The following SORCS3 variants were observed in gnomAD, a reference collection of about 807,000 sequenced individuals.
SORCS3 encodes sortilin related VPS10 domain containing receptor 3.
A neutral mutation model predicts 146.3 loss-of-function variants in SORCS3; 57 were observed. The ratio of observed to expected loss-of-function variants is 0.39; its 90% confidence interval spans 0.31 to 0.49. SORCS3 has a LOEUF of 0.49. SORCS3 is among the 20% of genes least tolerant of loss of function. SORCS3 has a pLI of 0.92. For synonymous variants in SORCS3, 653 were observed against 618.5 expected (o/e 1.06, Z -0.83); for missense variants, 1,341 against 1,575.5 (o/e 0.85, Z 2.52).
In SORCS3 at chr10:105,013,968, C is replaced by A. The variant is rs187161260; in HGVS notation, c.955-29087C>A. Among the ~76,000 whole-genome samples the A allele has an allele frequency of 5.5e-4, 62 of 112,040 alleles. 1 individual carries two copies. The highest frequency in any genetic ancestry group is 2.7e-3 in the African/African-American group (61 of 22,214). 73.5% of individuals were successfully genotyped at this position (112,040 alleles called of 152,430 possible). On this transcript the variant is annotated intron_variant, in intron 4 of 26. Coordinates refer to ENST00000369701, the MANE Select transcript of SORCS3 (RefSeq NM_014978.3). ...TGTACTTCTATTTAGTTTGTGTAGACACACAGACACACAGACACACACACA... is the reference window on the plus strand; with the variant it reads ...TGTACTTCTATTTAGTTTGTGTAGAAACACAGACACACAGACACACACACA...
intron 7 of SORCS3, among the ~76,000 whole-genome samples, chr10:105,125,443 A>G (rs890087941): frequency 6.6e-6 from 1 of 152,134 alleles, no homozygotes. Context: ...TCCCAAGACG[A>G]CACAGCCAGT....
chr10:104,832,549 C>G (rs1341150548), intron 1 of SORCS3, among the ~76,000 whole-genome samples: 1 of 152,058 alleles, frequency 6.6e-6, no homozygotes, highest in African/African-American at 2.4e-5. Context: ...GATACCCTGT[C>G]TCTACTAAAA....
chr10:104,992,086 T>C (rs999417966), intron 4 of SORCS3, among the ~76,000 whole-genome samples: 1 of 152,080 alleles, frequency 6.6e-6, no homozygotes, highest in Non-Finnish European at 1.5e-5. Context: ...GCATGAGATA[T>C]TCCCGAGACA....
intron 4 of SORCS3, among the ~76,000 whole-genome samples, chr10:105,014,197 A>G (rs1452762801): frequency 1.3e-5 from 2 of 151,228 alleles, no homozygotes; most frequent in Non-Finnish European, 2.9e-5. Flanking sequence ...CTATTTAATT[A>G]TTATTCTGGG....
At chr10:104,707,960 T>A (rs2016357911) in intron 1 of SORCS3, among the ~76,000 whole-genome samples, 1 of 152,210 alleles carries the variant, frequency 6.6e-6, no homozygotes, top group Non-Finnish European at 1.5e-5. Context: ...GGGGTTGAGA[T>A]GAATGAGTTT....
chr10:105,048,729 A>G (rs919705039), intron 5 of SORCS3, among the ~76,000 whole-genome samples: 1 of 152,060 alleles, frequency 6.6e-6, no homozygotes, highest in East Asian at 1.9e-4. Context: ...AAGACAGACT[A>G]AAAACCGTTT....
chr10:105,140,122 A>AATTG (rs2056085189), intron 8 of SORCS3, among the ~76,000 whole-genome samples: 1 of 152,276 alleles, frequency 6.6e-6, no homozygotes, highest in African/African-American at 2.4e-5. Flanking sequence ...GACAGGTTAT[A>AATTG]ATTGCATCAC....
chr10:105,190,492 G>A (rs184735645), intron 14 of SORCS3, among the ~76,000 whole-genome samples: 9 of 152,170 alleles, frequency 5.9e-5, no homozygotes, highest in African/African-American at 1.9e-4. Flanking sequence ...TCTGCCTCCC[G>A]GGTTTAAGCA....
intron 3 of SORCS3, among the ~76,000 whole-genome samples, chr10:104,956,070 A>G (rs1489533653): frequency 6.6e-6 from 1 of 152,200 alleles, no homozygotes; most frequent in Non-Finnish European, 1.5e-5. Flanking sequence ...CTTCCAGGAC[A>G]AAGAATAACT....
At chr10:104,744,515 C>G (rs1006596994) in intron 1 of SORCS3, among the ~76,000 whole-genome samples, 1 of 152,128 alleles carries the variant, frequency 6.6e-6, no homozygotes, top group African/African-American at 2.4e-5. Context: ...TATGGAGAAC[C>G]TGTTATTATC....
intron 7 of SORCS3, among the ~76,000 whole-genome samples, chr10:105,111,567 G>A (rs757100790): frequency 4.6e-5 from 7 of 152,190 alleles, no homozygotes; most frequent in African/African-American, 9.7e-5. Flanking sequence ...TGCTCAATGC[G>A]TAAGAAATGA....
At chr10:104,903,255 G>A (rs1224748262) in intron 2 of SORCS3, among the ~76,000 whole-genome samples, 1 of 152,162 alleles carries the variant, frequency 6.6e-6, no homozygotes. Flanking sequence ...CTATGCAAAT[G>A]TTAGTTACTT....
At chr10:105,068,603 C>T (rs543524485) in intron 5 of SORCS3, among the ~76,000 whole-genome samples, 57 of 151,950 alleles carry the variant, frequency 3.8e-4, no homozygotes, top group Non-Finnish European at 7.5e-4. Flanking sequence ...CTGCTGAAGT[C>T]GAGAGAATTA....
intron 7 of SORCS3, among the ~76,000 whole-genome samples, chr10:105,114,943 C>A (rs1385905034): frequency 6.6e-6 from 1 of 152,058 alleles, no homozygotes; most frequent in East Asian, 1.9e-4. Flanking sequence ...TATGTATAAA[C>A]ATAGAAAAAT....
chr10:105,216,327 T>C (rs921847700), intron 18 of SORCS3, among the ~76,000 whole-genome samples: 2 of 152,114 alleles, frequency 1.3e-5, no homozygotes, highest in African/African-American at 2.4e-5. Flanking sequence ...GTGAGTAGCA[T>C]AATTCTGGTA....
At chr10:104,983,005 T>C (rs1046828802) in intron 4 of SORCS3, among the ~76,000 whole-genome samples, 1 of 151,478 alleles carries the variant, frequency 6.6e-6, no homozygotes, top group African/African-American at 2.4e-5. Context: ...TTTCTTTTCT[T>C]TTTTAATTTT....
intron 7 of SORCS3, among the ~76,000 whole-genome samples, chr10:105,124,771 G>C (rs1195893590): frequency 6.6e-6 from 1 of 151,954 alleles, no homozygotes; most frequent in Non-Finnish European, 1.5e-5. Flanking sequence ...GTAACCTCTC[G>C]AGGCCAGGCA....
rs2056475881 is a variant in SORCS3 at position 105,186,285 on chromosome 10, C to T, written c.2009+8112C>T. 2.0e-5 allele frequency among the ~76,000 whole-genome samples: 3 copies of T among 152,162 alleles called. No homozygotes were observed. The South Asian group carries it at 6.2e-4, about 32-fold the overall frequency. ...TATCTTTGCAGATAGAATGCCAGGG[C>T]TTTTTATTTGTTCTGTAAGATTGAG... On this transcript the variant is annotated intron_variant, in intron 14 of 26. Coordinates refer to ENST00000369701, the MANE Select transcript of SORCS3 (RefSeq NM_014978.3).
intron 1 of SORCS3, among the ~76,000 whole-genome samples, chr10:104,779,854 C>T (rs534198569): frequency 6.8e-4 from 104 of 152,288 alleles, no homozygotes; most frequent in African/African-American, 2.3e-3. Context: ...TCACCCCGCG[C>T]GCTCCGCCAT....
Sources: allele counts gnomAD v4.1 joint callset (sites outside exome capture counted in the v4.1 genomes callset), GRCh38; gene constraint gnomAD v4.1.1; transcripts MANE v1.5; gene names NCBI Gene and HGNC (gene_info 2026-07-23, HGNC 2026-07-21).